Variants in SEMA3A observed in about 807,000 individuals in gnomAD.
SEMA3A encodes the protein semaphorin 3A.
A neutral mutation model predicts 97.9 loss-of-function variants in SEMA3A; 29 were observed. The ratio of observed to expected loss-of-function variants is 0.30; its 90% CI spans 0.22 to 0.40. The LOEUF (loss-of-function observed/expected upper bound fraction) is 0.40, where lower values mean the gene tolerates loss of function less well. Among genes scored for constraint, SEMA3A ranks in the 10% least tolerant of loss-of-function variants. SEMA3A has a pLI of 1.00. For missense variants in SEMA3A, 763 were observed against 951.3 expected (o/e 0.80, Z 2.60); for synonymous variants, 321 against 323.7 (o/e 0.99, Z 0.09).
intron 3 of SEMA3A, among the ~76,000 whole-genome samples, chr7:84,206,728 A>G (rs11982456): frequency 0.055 from 8,385 of 152,080 alleles, 308 homozygotes; most frequent in Middle Eastern, 0.065. Flanking sequence ...AGGTGATCCA[A>G]CCAGCCCAGC....
At chr7:84,338,322 C>T (rs1802086277) in intron 2 of SEMA3A, among the ~76,000 whole-genome samples, 1 of 151,926 alleles carries the variant, frequency 6.6e-6, no homozygotes, top group South Asian at 2.1e-4. Flanking sequence ...CTGTGTGCTT[C>T]CATATCATTT....
chr7:84,447,098 A>G (rs1805433824), intron 1 of SEMA3A, among the ~76,000 whole-genome samples: 2 of 152,140 alleles, frequency 1.3e-5, no homozygotes, highest in African/African-American at 2.4e-5. Context: ...AAGCGAGCCC[A>G]GGCGCCATCA....
At chr7:84,389,945 T>G (rs1222478382) in intron 1 of SEMA3A, among the ~76,000 whole-genome samples, 1 of 152,120 alleles carries the variant, frequency 6.6e-6, no homozygotes, top group Non-Finnish European at 1.5e-5. Context: ...TTAAAATATA[T>G]TCAAGGACAC....
chr7:84,037,465 C>T (rs1791982660), intron 6 of SEMA3A, among the ~76,000 whole-genome samples: 1 of 151,990 alleles, frequency 6.6e-6, no homozygotes, highest in Non-Finnish European at 1.5e-5. Context: ...GTAACTGGGA[C>T]TACAGATGCA....
chr7:84,413,400 G>A (rs1424653059), intron 1 of SEMA3A, among the ~76,000 whole-genome samples: 2 of 152,156 alleles, frequency 1.3e-5, no homozygotes, highest in Non-Finnish European at 2.9e-5. Flanking sequence ...GGCTGAGTCA[G>A]GAGGATTGCT....
chr7:83,958,460 T>TAA lies in SEMA3A; in HGVS notation c.*2909_*2910dup, dbSNP rs1439314357. The TAA allele has an allele frequency of 2.0e-5, 3 of 152,490 alleles. No individual in the cohort carries two copies. Among genetic ancestry groups the TAA allele is most frequent in the African/African-American group, 4.8e-5 (2 of 41,434 alleles). The allele number at this position is 152,490 out of a possible 1,614,324, so 9.4% of individuals were successfully genotyped here. A position where few individuals can be genotyped will look rare whatever the true frequency, so the allele number is the denominator to read the frequency against. ...CTAGTTCCCATCTGAAATGCAATGATAAGTAAAGATATGGAACATATTTCC... is the reference window on the plus strand; with the variant it reads ...CTAGTTCCCATCTGAAATGCAATGATAAAAGTAAAGATATGGAACATATTTCC... On this transcript the variant is annotated 3_prime_UTR_variant, in exon 17 of 17. Transcript: ENST00000265362.
At chr7:84,055,918 C>T (rs1792956035) in intron 5 of SEMA3A, among the ~76,000 whole-genome samples, 1 of 152,102 alleles carries the variant, frequency 6.6e-6, no homozygotes, top group Admixed American at 6.5e-5. Flanking sequence ...AAGAAATAAA[C>T]ATTTGTCCAA....
chr7:84,060,585 A>G lies in SEMA3A; in HGVS notation c.454-27T>C. The G allele has an allele frequency of 3.4e-6, 5 of 1,470,820 alleles. No individual in the cohort carries two copies. In the South Asian group the frequency reaches 4.0e-5, roughly 12 times the overall value. 91.1% of individuals were successfully genotyped at this position (1,470,820 alleles called of 1,614,324 possible). A position where few individuals can be genotyped will look rare whatever the true frequency, so the allele number is the denominator to read the frequency against. ...TGTGGATTTAAAAAAGAAAGAGAAA[A>G]GGGTTTCCTTTATATATAAAAATGA... is the stretch of plus-strand genomic sequence containing the variant. On this transcript the variant is annotated intron_variant, in intron 4 of 16. Coordinates refer to ENST00000265362, the MANE Select transcript of SEMA3A (RefSeq NM_006080.3).
At chr7:84,196,137 A>G (rs1460507416), upstream of SEMA3A, among the ~76,000 whole-genome samples, 1 of 80,078 alleles carries the variant, frequency 1.2e-5, no homozygotes, top group Non-Finnish European at 2.5e-5. Context: ...CCCACCCCCC[A>G]CCTCCAGAAC....
intron 12 of SEMA3A, among the ~76,000 whole-genome samples, 167 bp downstream of exon 12, chr7:84,001,788 G>C (rs1295079313): frequency 2.0e-5 from 3 of 151,928 alleles, no homozygotes; most frequent in African/African-American, 7.3e-5. Flanking sequence ...AACTAGCATT[G>C]AAAGTTTCAA....
intron 9 of SEMA3A, among the ~76,000 whole-genome samples, chr7:84,009,905 C>CAAAAA (rs3074687): frequency 2.2e-5 from 2 of 91,704 alleles, no homozygotes; most frequent in Non-Finnish European, 4.1e-5. Context: ...ACACTGGTTA[C>CAAAAA]AAAAAAAAAA....
intron 1 of SEMA3A, among the ~76,000 whole-genome samples, chr7:84,396,509 G>T (rs1803737321): frequency 6.6e-6 from 1 of 151,718 alleles, no homozygotes; most frequent in South Asian, 2.1e-4. Context: ...AAGATAGAAG[G>T]CACTGTAATA....
At chr7:84,224,971 T>C (rs1798958164) in intron 3 of SEMA3A, among the ~76,000 whole-genome samples, 1 of 152,074 alleles carries the variant, frequency 6.6e-6, no homozygotes, top group African/African-American at 2.4e-5. Flanking sequence ...CTAGTATATG[T>C]AATGGAACTC....
chr7:84,246,300 G>A (rs555563154), intron 3 of SEMA3A, among the ~76,000 whole-genome samples: 89 of 152,274 alleles, frequency 5.8e-4, no homozygotes, highest in African/African-American at 8.4e-4. Context: ...TTACAGCTGC[G>A]CCAGAAAATT....
At chr7:84,022,876 T>C (rs1791380328) in intron 6 of SEMA3A, among the ~76,000 whole-genome samples, 3 of 152,204 alleles carry the variant, frequency 2.0e-5, no homozygotes, top group African/African-American at 4.8e-5. Flanking sequence ...CAGCACATAG[T>C]GGAAGCTGAA....
chr7:84,439,000 G>C (rs1478906417), intron 1 of SEMA3A, among the ~76,000 whole-genome samples: 1 of 151,620 alleles, frequency 6.6e-6, no homozygotes, highest in East Asian at 1.9e-4. Flanking sequence ...TTTACTTCAT[G>C]GACTGTTGTG....
At chr7:84,042,709 C>A (rs527306173) in intron 6 of SEMA3A, among the ~76,000 whole-genome samples, 4 of 151,984 alleles carry the variant, frequency 2.6e-5, no homozygotes, top group African/African-American at 7.2e-5. Flanking sequence ...AAAGTGAAAC[C>A]CTGCCTCATT....
chr7:84,460,829 C>T (rs1805818227), intron 1 of SEMA3A, among the ~76,000 whole-genome samples: 1 of 152,148 alleles, frequency 6.6e-6, no homozygotes, highest in Admixed American at 6.5e-5. Flanking sequence ...GCCAGGGCTT[C>T]AGCTTCCTGG....
intron 1 of SEMA3A, among the ~76,000 whole-genome samples, chr7:84,384,066 C>T (rs1803337929): frequency 6.6e-6 from 1 of 152,144 alleles, no homozygotes; most frequent in African/African-American, 2.4e-5. Flanking sequence ...TAGGACACGA[C>T]TGTCTCAATT....
Sources: gnomAD v4.1 joint callset for allele counts (sites outside exome capture counted in the v4.1 genomes callset) on GRCh38, gnomAD v4.1.1 for gene constraint, MANE v1.5 for transcripts, NCBI Gene and HGNC (gene_info 2026-07-23, HGNC 2026-07-21) for gene names.